SLC25A26: variants seen among roughly 807,000 people sequenced by gnomAD.
The protein encoded by SLC25A26 is mitochondrial S-adenosylmethionine carrier protein.
In SLC25A26, 36 loss-of-function variants were observed where a neutral mutation model predicts 37.8. The observed-to-expected ratio is 0.95, with a 90% CI of 0.73 to 1.26. The LOEUF (loss-of-function observed/expected upper bound fraction) is 1.26, where lower values mean the gene tolerates loss of function less well. Among genes scored for constraint, SLC25A26 ranks in the 50% most tolerant of loss-of-function variants. The pLI is 0.00. For missense variants in SLC25A26, 390 were observed against 331.1 expected, an observed-to-expected ratio of 1.18 and a Z score of -1.38; for synonymous variants, 129 against 122.5, an observed-to-expected ratio of 1.05 and a Z score of -0.35.
intron 5 of SLC25A26, among the ~76,000 whole-genome samples, chr3:66,330,998 A>T (rs1024632185): frequency 2.6e-5 from 4 of 151,962 alleles, no homozygotes; most frequent in Non-Finnish European, 5.9e-5. Context: ...CCTTAGATTT[A>T]TTATTAATAT....
chr3:66,209,898 T>TTTTA (rs1553656263), intron 1 of SLC25A26, among the ~76,000 whole-genome samples: 11 of 38,616 alleles, frequency 2.8e-4, no homozygotes, highest in South Asian at 1.2e-3. Context: ...CTCTCTCTAT[T>TTTTA]TATATATATA....
At chr3:66,206,399 A>G (rs1296154346) in intron 1 of SLC25A26, among the ~76,000 whole-genome samples, 1 of 152,150 alleles carries the variant, frequency 6.6e-6, no homozygotes, top group African/African-American at 2.4e-5. Context: ...TGCACCATTT[A>G]AGCCCAAAGA....
chr3:66,371,477 G>A, intron 9 of SLC25A26: 1 of 1,361,278 alleles, frequency 7.3e-7, no homozygotes, highest in East Asian at 2.8e-5. Context: ...AAATTTTCCA[G>A]TTGGAAGTTT....
rs962301453 is a variant in SLC25A26 at position 66,181,248 on chromosome 3, G to A, written c.-353-39494G>A. On this transcript the variant is annotated intron_variant, in intron 1 of 10. Coordinates refer to the SLC25A26 transcript ENST00000676754. ...GATACATATTAAGGCCTAGCAGGTA[G>A]TGGAGTGGTTAAAAGAATTGGCTGC... 9.8e-5 allele frequency among the ~76,000 whole-genome samples: 15 copies of A among 152,344 alleles called. No homozygotes were observed. In the East Asian group the frequency reaches 2.7e-3, roughly 27 times the overall value.
At chr3:66,312,896 C>A (rs2075423687) in intron 5 of SLC25A26, among the ~76,000 whole-genome samples, 1 of 152,162 alleles carries the variant, frequency 6.6e-6, no homozygotes, top group African/African-American at 2.4e-5. Flanking sequence ...AATCACCCAC[C>A]TTCTGTTATG....
intron 3 of SLC25A26, among the ~76,000 whole-genome samples, chr3:66,246,145 A>G (rs1395066760): frequency 6.6e-6 from 1 of 152,162 alleles, no homozygotes; most frequent in Admixed American, 6.5e-5. Flanking sequence ...ATCTGTTAGT[A>G]GTTGGTTTCT....
At chr3:66,321,672 G>A (rs193209971) in intron 5 of SLC25A26, among the ~76,000 whole-genome samples, 2 of 152,012 alleles carry the variant, frequency 1.3e-5, no homozygotes, top group Admixed American at 1.3e-4. Flanking sequence ...GAAAACAATG[G>A]CAAAAGTTGA....
chr3:66,300,902 A>T (rs2075058089), intron 5 of SLC25A26, among the ~76,000 whole-genome samples: 1 of 152,158 alleles, frequency 6.6e-6, no homozygotes, highest in Admixed American at 6.5e-5. Context: ...TGTTTTTTCC[A>T]ACACAATTTA....
chr3:66,291,602 A>G (rs1395898360), intron 5 of SLC25A26, among the ~76,000 whole-genome samples: 2 of 152,134 alleles, frequency 1.3e-5, no homozygotes, highest in Non-Finnish European at 2.9e-5. Context: ...GTTTCCATGT[A>G]GTTGTGCGGT....
chr3:66,274,280 C>T (rs2074055195), intron 5 of SLC25A26, among the ~76,000 whole-genome samples: 1 of 152,036 alleles, frequency 6.6e-6, no homozygotes, highest in Admixed American at 6.5e-5. Context: ...AACGTTAGAC[C>T]TAAAACCATA....
At chr3:66,245,982 C>T (rs1341435633) in intron 3 of SLC25A26, among the ~76,000 whole-genome samples, 1 of 152,184 alleles carries the variant, frequency 6.6e-6, no homozygotes, top group Admixed American at 6.5e-5. Flanking sequence ...CCCCAACCCT[C>T]CCCACTCCTA....
chr3:66,209,890 C>CTATTTATA lies in SLC25A26; in HGVS notation c.-353-10851_-353-10850insATTTATAT, dbSNP rs1270604528. Among the ~76,000 whole-genome samples, 107 of 32,084 alleles carry CTATTTATA rather than the reference C, an allele frequency of 3.3e-3. 14 individuals are homozygous for CTATTTATA. The highest frequency in any genetic ancestry group is 0.011 in the African/African-American group (104 of 9,444). The allele number at this position is 32,084 out of a possible 152,430, so 21.0% of individuals were successfully genotyped here. ...CATATATATATACTCCTCTCTCTCT[C>CTATTTATA]TCTCTATTTATATATATATATATAT... On this transcript the variant is annotated intron_variant, in intron 1 of 10. Coordinates refer to the SLC25A26 transcript ENST00000676754.
chr3:66,295,688 C>T (rs895007514), intron 5 of SLC25A26, among the ~76,000 whole-genome samples: 7 of 151,986 alleles, frequency 4.6e-5, no homozygotes, highest in Admixed American at 2.0e-4. Flanking sequence ...TTAATAGAGA[C>T]GAGGTTTCAC....
intron 1 of SLC25A26, among the ~76,000 whole-genome samples, chr3:66,174,752 C>G (rs1047184714): frequency 2.0e-5 from 3 of 150,974 alleles, no homozygotes; most frequent in African/African-American, 2.4e-5. Context: ...CGCCACTGCA[C>G]TCCAGCCTGG....
chr3:66,308,942 T>C (rs1219836579), intron 5 of SLC25A26, among the ~76,000 whole-genome samples: 1 of 152,196 alleles, frequency 6.6e-6, no homozygotes, highest in East Asian at 1.9e-4. Flanking sequence ...TTTGCCAGAA[T>C]TTTATTGAGG....
intron 7 of SLC25A26, among the ~76,000 whole-genome samples, chr3:66,363,212 T>C (rs1410275717): frequency 6.6e-6 from 1 of 152,198 alleles, no homozygotes; most frequent in Non-Finnish European, 1.5e-5. Flanking sequence ...TTAAAGATGA[T>C]TTATAAAGTC....
chr3:66,314,513 C>T (rs1282182002), intron 5 of SLC25A26, among the ~76,000 whole-genome samples: 3 of 151,930 alleles, frequency 2.0e-5, no homozygotes, highest in Non-Finnish European at 4.4e-5. Flanking sequence ...CTGTATTCGG[C>T]GTGCCTGTAT....
intron 9 of SLC25A26, among the ~76,000 whole-genome samples, chr3:66,374,114 A>G (rs1700500714): frequency 6.6e-6 from 1 of 152,214 alleles, no homozygotes; most frequent in Non-Finnish European, 1.5e-5. Context: ...CATATGCACT[A>G]GTTTTGCCTT....
At chr3:66,351,665 A>T (rs1007131646) in intron 6 of SLC25A26, among the ~76,000 whole-genome samples, 4 of 152,106 alleles carry the variant, frequency 2.6e-5, no homozygotes, top group African/African-American at 9.7e-5. Context: ...TCAGAACAGA[A>T]CTGTCAGTTT....
Sources: allele counts gnomAD v4.1 joint callset (sites outside exome capture counted in the v4.1 genomes callset), GRCh38; gene constraint gnomAD v4.1.1; transcripts MANE v1.5; gene names NCBI Gene and HGNC (gene_info 2026-07-23, HGNC 2026-07-21).